The following CAMKK1 variants were observed in gnomAD, a reference collection of about 807,000 sequenced individuals.
CAMKK1 encodes calcium/calmodulin-dependent protein kinase kinase 1.
A neutral mutation model predicts 63.5 loss-of-function variants in CAMKK1; 20 were observed. The observed-to-expected ratio is 0.32, with a 90% CI of 0.22 to 0.46. The LOEUF (loss-of-function observed/expected upper bound fraction) is 0.46, where lower values mean the gene tolerates loss of function less well. Ranked by LOEUF, CAMKK1 falls within the 20% of genes least tolerant of loss-of-function variation. CAMKK1 has a pLI of 1.00. For missense variants in CAMKK1, 588 were observed against 658.1 expected (o/e 0.89, Z 1.17); for synonymous variants, 253 against 269.0 (o/e 0.94, Z 0.58).
intron 12 of CAMKK1, among the ~76,000 whole-genome samples, chr17:3,871,336 T>TGG (rs1567617901): frequency 9.0e-5 from 8 of 88,598 alleles, no homozygotes; most frequent in African/African-American, 1.8e-4. Context: ...GTTTTTTGTT[T>TGG]TTTTTTTTTT....
At position 3,877,191 on chromosome 17, in the gene CAMKK1, TGA is replaced by T. The variant is rs148654804; in HGVS notation, c.797-771_797-770del. On this transcript the variant is annotated intron_variant, in intron 9 of 15. Coordinates refer to ENST00000348335, the MANE Select transcript of CAMKK1 (RefSeq NM_032294.3). ...GCAAAGATGTCCCTGCTGCTGGGACTGAGAGTAAGATTGTAGGGACTCTGCTA... is the reference window on the plus strand; with the variant it reads ...GCAAAGATGTCCCTGCTGCTGGGACTGAGTAAGATTGTAGGGACTCTGCTA... Among the ~76,000 whole-genome samples, 1,097 of 152,214 alleles carry T rather than the reference TGA, an allele frequency of 7.2e-3. 19 individuals carry two copies. The highest frequency in any genetic ancestry group is 0.025 in the African/African-American group (1,025 of 41,532).
chr17:3,880,328 A>T lies in CAMKK1; in HGVS notation c.796+18T>A. 6.2e-7 allele frequency: 1 copy of T among 1,611,384 alleles called. No homozygotes were observed. The highest frequency in any genetic ancestry group is 8.5e-7 in the Non-Finnish European group (1 of 1,177,936). ...TCCCCTAGCCCCAGCCCCAGTGGGC[A>T]AGCTGCCCCGCACTCACAGTACTCG... On this transcript the variant is annotated intron_variant, in intron 9 of 15. Coordinates refer to ENST00000348335, the MANE Select transcript of CAMKK1 (RefSeq NM_032294.3).
intron 1 of CAMKK1, among the ~76,000 whole-genome samples, chr17:3,888,256 A>G (rs966188810): frequency 5.2e-4 from 79 of 152,354 alleles, no homozygotes; most frequent in African/African-American, 1.6e-3. Flanking sequence ...CATTCCAGCA[A>G]GAGGCCATCC....
intron 12 of CAMKK1, among the ~76,000 whole-genome samples, chr17:3,871,362 T>TTTTTTTTTTTG (rs2054856805): frequency 8.2e-6 from 1 of 121,346 alleles, no homozygotes; most frequent in Non-Finnish European, 1.7e-5. Flanking sequence ...TTTTTTTTTT[T>TTTTTTTTTTTG]TTTTTTTTTT....
chr17:3,884,503 G>T lies in CAMKK1; in HGVS notation c.361-76C>A. 7.1e-7 allele frequency: 1 copy of T among 1,411,832 alleles called. No homozygotes were observed. The highest frequency in any genetic ancestry group is 9.8e-7 in the Non-Finnish European group (1 of 1,017,168). 87.5% of individuals were successfully genotyped at this position (1,411,832 alleles called of 1,614,324 possible). A position where few individuals can be genotyped will look rare whatever the true frequency, so the allele number is the denominator to read the frequency against. On this transcript the variant is annotated intron_variant, in intron 2 of 15. Transcript: ENST00000348335. This position sits in a 1 kb window ranked among gnomAD's most constrained non-coding sequence, Gnocchi z 4.5. ...GCTCCTACCTCAGAGCCCGTTCAGG[G>T]TCCAATTCTGGCCATAAGCTCCTCA...
chr17:3,873,397 C>T lies in CAMKK1; in HGVS notation c.1050+12G>A. The stretch of plus-strand genomic sequence containing the variant: ...GACCCGCCCCAGCTCTGCTGGCATC[C>T]CTGGCACTCACCTTCCCATAGACAA... On this transcript the variant is annotated intron_variant, in intron 11 of 15. Coordinates refer to ENST00000348335, the MANE Select transcript of CAMKK1 (RefSeq NM_032294.3). The T allele has an allele frequency of 6.2e-7, 1 of 1,613,698 alleles. No homozygotes were observed. Among genetic ancestry groups the T allele is most frequent in the Non-Finnish European group, 8.5e-7 (1 of 1,179,720 alleles).
chr17:3,876,525 G>A (rs901893777), intron 9 of CAMKK1, 103 bp from the exon 10 acceptor site: 5 of 981,500 alleles, frequency 5.1e-6, no homozygotes, highest in South Asian at 1.4e-5. Context: ...GGACATCCCA[G>A]CCCATGCACA....
At chr17:3,880,271 T>C (rs1478386526) in intron 9 of CAMKK1, 75 bp downstream of exon 9, 1 of 1,264,794 alleles carries the variant, frequency 7.9e-7, no homozygotes, top group Admixed American at 1.8e-5. Flanking sequence ...CTGCTCAGAG[T>C]CTGCTCAGCC....
At position 3,885,528 on chromosome 17, in the gene CAMKK1, T is replaced by C. The variant is rs1567635554; in HGVS notation, c.160A>G (p.Ile54Val). 6.2e-7 allele frequency: 1 copy of C among 1,613,948 alleles called. No homozygotes were observed. The highest frequency in any genetic ancestry group is 8.5e-7 in the Non-Finnish European group (1 of 1,180,006). ...AGCAGTCTTGAAGTACTGCCAGGGA[T>C]CACAGAGGCAGCTCTGGCCCGTGGT... ...PPPRARAASV[I>V]PGSTSRLLPA... is the part of the protein sequence containing the mutation. The change falls in exon 2 of 16, where the codon ATC becomes GTC. Residue 54 changes from isoleucine (I) to valine (V), a missense_variant. Physicochemically the swap from Ile to Val is conservative, Grantham distance 29. Coordinates refer to ENST00000348335, the MANE Select transcript of CAMKK1 (RefSeq NM_032294.3).
rs138204273 is a variant in CAMKK1, at chr17:3,871,907, A to G, written c.1124+647T>C. ...GTGATCTGCCCACCTCAGCCTCCCA[A>G]AGTGCTGGGATTACAGGCGTGAGCC... is the stretch of plus-strand genomic sequence containing the variant. On this transcript the variant is annotated intron_variant, in intron 12 of 15. Coordinates refer to ENST00000348335, the MANE Select transcript of CAMKK1 (RefSeq NM_032294.3). Among the ~76,000 whole-genome samples the G allele has an allele frequency of 7.7e-3, 1,164 of 151,990 alleles. 4 individuals carry two copies. Among genetic ancestry groups the G allele is most frequent in the Non-Finnish European group, 0.012 (798 of 67,948 alleles).
At chr17:3,868,993 C>G (rs1336752141) in intron 14 of CAMKK1, among the ~76,000 whole-genome samples, 57 of 136,370 alleles carry the variant, frequency 4.2e-4, no homozygotes, top group African/African-American at 9.4e-4. Flanking sequence ...TTTTGAGACG[C>G]AGTCTCGCTC....
intron 1 of CAMKK1, among the ~76,000 whole-genome samples, chr17:3,888,210 C>T (rs895887381): frequency 2.0e-5 from 3 of 152,120 alleles, no homozygotes; most frequent in Admixed American, 6.6e-5. Flanking sequence ...ACAGGCTGCC[C>T]GGGCCCATAA....
chr17:3,869,776 A>G (rs751753187), intron 13 of CAMKK1, 25 bp downstream of exon 13: 1 of 1,611,392 alleles, frequency 6.2e-7, no homozygotes, highest in South Asian at 1.1e-5. Context: ...GTCCCAGCCC[A>G]GCCCAAGACC....
chr17:3,872,402 G>A (rs911125245), intron 12 of CAMKK1, 152 bp downstream of exon 12: 9 of 643,696 alleles, frequency 1.4e-5, no homozygotes, highest in South Asian at 5.6e-5. Context: ...AGTCCCTCCC[G>A]TCCATCTATT....
intron 7 of CAMKK1, 26 bp from the exon 8 acceptor site, chr17:3,881,674 G>C (rs1200232012): frequency 1.3e-6 from 2 of 1,561,060 alleles, no homozygotes; most frequent in Non-Finnish European, 1.7e-6. Context: ...AGAAGGTAAG[G>C]TGTAGCTGGC....
At position 3,890,749 on chromosome 17, in the gene CAMKK1, G is replaced by C. The variant is rs2055869847; in HGVS notation, c.-44+2190C>G. ...ATTGCATACTCTGTTCTGCTGCCAG[G>C]CCTCAGTACAAGCTGTGCCTTCTGC... is the stretch of plus-strand genomic sequence containing the variant. On this transcript the variant is annotated intron_variant, in intron 1 of 15. Coordinates refer to ENST00000348335, the MANE Select transcript of CAMKK1 (RefSeq NM_032294.3). This position sits in a 1 kb window ranked among gnomAD's most constrained non-coding sequence, Gnocchi z 6.5. 2 of 779,590 alleles carry C rather than the reference G, an allele frequency of 2.6e-6. No individual in the cohort carries two copies. The highest frequency in any genetic ancestry group is 4.8e-6 in the Non-Finnish European group (2 of 417,980). 48.3% of individuals were successfully genotyped at this position (779,590 alleles called of 1,614,324 possible). A position where few individuals can be genotyped will look rare whatever the true frequency, so the allele number is the denominator to read the frequency against.
At chr17:3,867,748 A>G (rs1389701981) in intron 14 of CAMKK1, among the ~76,000 whole-genome samples, 1 of 152,150 alleles carries the variant, frequency 6.6e-6, no homozygotes, top group Non-Finnish European at 1.5e-5. Flanking sequence ...GGCCCCGCCA[A>G]CGGCAGTGGC....
At chr17:3,881,569 G>A in intron 8 of CAMKK1, 58 bp downstream of exon 8, 2 of 1,527,406 alleles carry the variant, frequency 1.3e-6, no homozygotes, top group Non-Finnish European at 1.8e-6. Context: ...ACACAGGGAG[G>A]GAAAGGAAGG....
chr17:3,891,605 C>T (rs530792119), intron 1 of CAMKK1, among the ~76,000 whole-genome samples: 2 of 152,248 alleles, frequency 1.3e-5, no homozygotes, highest in African/African-American at 4.8e-5. Context: ...GTGGAGTCTT[C>T]CCCACATAAG....
Sources: allele counts gnomAD v4.1 joint callset (sites outside exome capture counted in the v4.1 genomes callset), GRCh38; gene constraint gnomAD v4.1.1; non-coding constraint Gnocchi (gnomAD v3.1); transcripts MANE v1.5; gene names NCBI Gene and HGNC (gene_info 2026-07-23, HGNC 2026-07-21).